Variants in SAMD12 observed in about 807,000 individuals in gnomAD.
SAMD12 encodes sterile alpha motif domain-containing protein 12.
A neutral mutation model predicts 15.0 loss-of-function variants in SAMD12; 9 were observed. The observed-to-expected ratio is 0.60, with a 90% CI of 0.36 to 1.05. SAMD12 has a LOEUF of 1.05. Among genes scored for constraint, SAMD12 ranks in the 50% least tolerant of loss-of-function variants. The pLI, the probability that SAMD12 is intolerant of heterozygous loss-of-function variation, is 0.01. For missense variants in SAMD12, 230 were observed against 234.2 expected (o/e 0.98, Z 0.12); for synonymous variants, 86 against 90.1 (o/e 0.96, Z 0.25).
At chr8:118,199,264 A>G (rs544359009) in intron 4 of SAMD12, among the ~76,000 whole-genome samples, 35 of 152,336 alleles carry the variant, frequency 2.3e-4, no homozygotes, top group African/African-American at 8.2e-4. Context: ...AAGCATCATG[A>G]TTGTTTTCAC....
intron 2 of SAMD12, among the ~76,000 whole-genome samples, chr8:118,563,828 T>TGG: frequency 6.6e-6 from 1 of 152,342 alleles, no homozygotes; most frequent in East Asian, 1.9e-4. Context: ...CTCTATTATC[T>TGG]GTGAGTTTTG....
intron 3 of SAMD12, among the ~76,000 whole-genome samples, chr8:118,435,803 C>T (rs185552916): frequency 7.2e-5 from 11 of 152,092 alleles, no homozygotes; most frequent in African/African-American, 1.2e-4. Context: ...TGGAAGTGAA[C>T]GCATCTTTAA....
At chr8:118,406,582 T>C (rs1821140961) in intron 3 of SAMD12, among the ~76,000 whole-genome samples, 1 of 152,128 alleles carries the variant, frequency 6.6e-6, no homozygotes. Flanking sequence ...CTCTTAACCA[T>C]TTTAAAGTGG....
chr8:118,497,286 A>T (rs1293836989), intron 2 of SAMD12, among the ~76,000 whole-genome samples: 1 of 152,230 alleles, frequency 6.6e-6, no homozygotes, highest in Non-Finnish European at 1.5e-5. Context: ...GCATCACAGC[A>T]CTATTCACAA....
chr8:118,233,968 T>C (rs1161597940), intron 4 of SAMD12, among the ~76,000 whole-genome samples: 3 of 152,152 alleles, frequency 2.0e-5, no homozygotes, highest in Admixed American at 6.6e-5. Context: ...GTTCCCACAG[T>C]AGAGCTGCTC....
intron 2 of SAMD12, among the ~76,000 whole-genome samples, chr8:118,440,717 T>C (rs1231253647): frequency 6.1e-5 from 8 of 130,112 alleles, no homozygotes; most frequent in East Asian, 4.3e-4. Flanking sequence ...CACACACACA[T>C]ATAAAAACGC....
At chr8:118,322,971 T>C (rs1224639400) in intron 4 of SAMD12, among the ~76,000 whole-genome samples, 3 of 152,248 alleles carry the variant, frequency 2.0e-5, no homozygotes, top group Non-Finnish European at 4.4e-5. Context: ...AAACTTCCCT[T>C]GAAGCAGGTG....
In SAMD12 at chr8:118,619,130, C is replaced by T. The variant is rs954090606; in HGVS notation, c.13+2674G>A. 4.6e-5 allele frequency among the ~76,000 whole-genome samples: 7 copies of T among 152,132 alleles called. No individual in the cohort carries two copies. In the East Asian group the frequency reaches 1.2e-3, roughly 25 times the overall value. On this transcript the variant is annotated intron_variant, in intron 1 of 3. Coordinates refer to ENST00000314727, the MANE Select transcript of SAMD12 (RefSeq NM_207506.3). Reference sequence around the variant, plus strand: ...AAATACCAACAGCAGCCCCCAGCAGCAGTTCCTACATATCCCAAATGTGTC... The same window carrying T: ...AAATACCAACAGCAGCCCCCAGCAGTAGTTCCTACATATCCCAAATGTGTC...
chr8:118,571,167 C>T (rs984950495), intron 2 of SAMD12, among the ~76,000 whole-genome samples: 9 of 152,028 alleles, frequency 5.9e-5, no homozygotes, highest in South Asian at 2.1e-4. Flanking sequence ...AGGAGTGGGG[C>T]GCTACTGAAA....
chr8:118,600,073 A>G (rs1163444897), intron 1 of SAMD12, among the ~76,000 whole-genome samples: 1 of 152,180 alleles, frequency 6.6e-6, no homozygotes, highest in Non-Finnish European at 1.5e-5. Context: ...CACGTGAAAG[A>G]AAATCTAGTC....
At position 118,305,144 on chromosome 8, in the gene SAMD12, CAAAAAAAAAAAAAAAAAA is replaced by C. The variant is rs56200866; in HGVS notation, c.433+74398_433+74415del. On this transcript the variant is annotated intron_variant, in intron 4 of 4. Coordinates refer to the SAMD12 transcript ENST00000409003. The stretch of plus-strand genomic sequence containing the variant: ...AGCCTGGGCAAAAGTGACTCCCTGT[CAAAAAAAAAAAAAAAAAA>C]AAAAAAAAAAAAAGTCCAGTTCAGT... Among the ~76,000 whole-genome samples, 29 of 48,842 alleles carry C rather than the reference CAAAAAAAAAAAAAAAAAA, an allele frequency of 5.9e-4. 1 individual carries two copies. The highest frequency in any genetic ancestry group is 0.021 in the Middle Eastern group (1 of 48). The allele number at this position is 48,842 out of a possible 152,430, so 32.0% of individuals were successfully genotyped here. A position where few individuals can be genotyped will look rare whatever the true frequency, so the allele number is the denominator to read the frequency against.
At chr8:118,548,671 G>C (rs1563576618) in intron 2 of SAMD12, among the ~76,000 whole-genome samples, 2 of 152,206 alleles carry the variant, frequency 1.3e-5, no homozygotes, top group Non-Finnish European at 1.5e-5. Context: ...GCCAGAGAGT[G>C]GGCGCAGGTC....
intron 2 of SAMD12, among the ~76,000 whole-genome samples, chr8:118,519,185 C>T (rs1825324776): frequency 1.3e-5 from 2 of 152,152 alleles, no homozygotes; most frequent in South Asian, 4.1e-4. Flanking sequence ...TGTTCAACAC[C>T]CTTCTGGAGC....
In SAMD12 at chr8:118,330,026, A is replaced by C. The variant is rs117711165; in HGVS notation, c.433+49534T>G. On this transcript the variant is annotated intron_variant, in intron 4 of 4. Transcript: ENST00000409003. ...TTGTATGGAACAACATGGAACATGT[A>C]GTGTAGGGAATAAAATGCACATGGC... Among the ~76,000 whole-genome samples the C allele has an allele frequency of 2.3e-3, 347 of 152,302 alleles. 15 individuals carry two copies. The East Asian group carries it at 0.055, about 24-fold the overall frequency.
chr8:118,460,803 G>A (rs1168078789), intron 2 of SAMD12, among the ~76,000 whole-genome samples: 1 of 152,156 alleles, frequency 6.6e-6, no homozygotes, highest in Non-Finnish European at 1.5e-5. Flanking sequence ...ACACACAGGT[G>A]TTCTCTCAAA....
At chr8:118,607,663 ATG>A (rs1828017124) in intron 1 of SAMD12, among the ~76,000 whole-genome samples, 1 of 152,234 alleles carries the variant, frequency 6.6e-6, no homozygotes, top group African/African-American at 2.4e-5. Flanking sequence ...AGGGATGATA[ATG>A]AAACCTACCT....
chr8:118,442,698 G>T (rs1447232049), intron 2 of SAMD12, among the ~76,000 whole-genome samples: 1 of 152,122 alleles, frequency 6.6e-6, no homozygotes, highest in African/African-American at 2.4e-5. Flanking sequence ...GTTCTTTCCT[G>T]CTCTACAAAT....
intron 2 of SAMD12, among the ~76,000 whole-genome samples, chr8:118,562,631 T>C (rs938510016): frequency 3.3e-5 from 5 of 152,178 alleles, no homozygotes; most frequent in African/African-American, 1.2e-4. Flanking sequence ...AACTTATTGT[T>C]GACTTTACGG....
chr8:118,314,140 T>TA (rs1212236019), intron 4 of SAMD12, among the ~76,000 whole-genome samples: 1 of 152,146 alleles, frequency 6.6e-6, no homozygotes. Flanking sequence ...TTTCTATATA[T>TA]TTTTTCTGTA....
Sources: allele counts gnomAD v4.1 joint callset (sites outside exome capture counted in the v4.1 genomes callset), GRCh38; gene constraint gnomAD v4.1.1; transcripts MANE v1.5; gene names NCBI Gene and HGNC (gene_info 2026-07-23, HGNC 2026-07-21).